The following LAMC3 variants were observed in gnomAD, a reference collection of about 807,000 sequenced individuals.
LAMC3 encodes the protein laminin subunit gamma-3.
LAMC3 carries 128 observed loss-of-function variants against 173.8 expected under a neutral mutation model. The observed-to-expected ratio is 0.74, with a 90% CI of 0.64 to 0.85. The LOEUF is 0.85. LAMC3 is among the 40% of genes least tolerant of loss of function. The pLI is 0.00. For synonymous variants in LAMC3, 897 were observed against 909.1 expected (o/e 0.99, Z 0.24); for missense variants, 2,022 against 2,156.0 (o/e 0.94, Z 1.23).
At chr9:131,062,944 C>A (rs761350081) in intron 13 of LAMC3, among the ~76,000 whole-genome samples, 1 of 151,948 alleles carries the variant, frequency 6.6e-6, no homozygotes, top group Non-Finnish European at 1.5e-5. Flanking sequence ...AGCTGTTCTC[C>A]TCTCTGTCTC....
intron 23 of LAMC3, 118 bp downstream of exon 23, chr9:131,079,416 C>G: frequency 8.0e-7 from 1 of 1,255,714 alleles, no homozygotes; most frequent in East Asian, 2.5e-5. Flanking sequence ...TCTGTCCGGC[C>G]GGGTGTAGTG....
At chr9:131,068,415 A>T (rs1829979966) in intron 15 of LAMC3, among the ~76,000 whole-genome samples, 184 bp downstream of exon 15, 1 of 152,206 alleles carries the variant, frequency 6.6e-6, no homozygotes, top group Non-Finnish European at 1.5e-5. Context: ...TGCTCCTGCC[A>T]GCCCAGGATG....
chr9:131,032,617 T>TCTCTCTCA (rs1833860020), intron 3 of LAMC3, among the ~76,000 whole-genome samples: 3 of 147,154 alleles, frequency 2.0e-5, no homozygotes, highest in Non-Finnish European at 3.0e-5. Flanking sequence ...TCTCTCTCTC[T>TCTCTCTCA]CTCTCTCACT....
intron 2 of LAMC3, among the ~76,000 whole-genome samples, chr9:131,027,778 A>T (rs1833750799): frequency 6.6e-6 from 1 of 152,200 alleles, no homozygotes; most frequent in South Asian, 2.1e-4. Context: ...CACTCGGGAG[A>T]TACGCGCGCA....
chr9:131,090,866 A>C (rs1405072397), intron 27 of LAMC3, among the ~76,000 whole-genome samples: 1 of 42,806 alleles, frequency 2.3e-5, no homozygotes, highest in Non-Finnish European at 4.7e-5. Flanking sequence ...GTCTCTACTA[A>C]AAATACAAAA....
At chr9:131,014,670 G>T (rs1833487964) in intron 1 of LAMC3, among the ~76,000 whole-genome samples, 1 of 152,218 alleles carries the variant, frequency 6.6e-6, no homozygotes, top group African/African-American at 2.4e-5. Flanking sequence ...CGAATGAATG[G>T]AAGAGCAGCT....
rs1156630347 is a variant in LAMC3, at chr9:131,049,075, G to C, written c.1575G>C (p.Trp525Cys). The change falls in exon 9 of 28, where the codon TGG (tryptophan) becomes TGC (cysteine). Residue 525 changes from tryptophan (W) to cysteine (C), a missense_variant. By Grantham distance (215) the Trp-to-Cys change is radical. Coordinates refer to ENST00000361069, the MANE Select transcript of LAMC3 (RefSeq NM_006059.4). ...GGGGCTCTGAGCACCCCCCACAATG[G>C]AGCCCAAATGGGGTCCTCCTGAGCC... ...SVGGSEHPPQ[W>C]SPNGVLLSPE... 5.2e-6 allele frequency: 8 copies of C among 1,552,406 alleles called. No homozygotes were observed. The highest frequency in any genetic ancestry group is 7.0e-6 in the Non-Finnish European group (8 of 1,147,396).
At position 131,067,052 on chromosome 9, in the gene LAMC3, G is replaced by A. The variant is rs529385350; in HGVS notation, c.2440G>A (p.Gly814Arg). 31 of 1,614,068 alleles carry A rather than the reference G, an allele frequency of 1.9e-5. No individual in the cohort carries two copies. Among genetic ancestry groups the A allele is most frequent in the East Asian group, 2.2e-5 (1 of 44,880 alleles). ...GCCCTGCCACCAGTGCCAGTGTAGC[G>A]GGAACGTGGACCCCAATGCCGTGGG... is the stretch of plus-strand genomic sequence containing the variant. ...PQPCHQCQCS[G>R]NVDPNAVGNC... Residue 814 changes from glycine (G) to arginine (R), a missense_variant, in exon 14 of 28, where the codon GGG (glycine) becomes AGG (arginine). Coordinates refer to ENST00000361069, the MANE Select transcript of LAMC3 (RefSeq NM_006059.4).
At chr9:131,017,212 C>A (rs1411696125) in intron 1 of LAMC3, among the ~76,000 whole-genome samples, 1 of 152,158 alleles carries the variant, frequency 6.6e-6, no homozygotes, top group Non-Finnish European at 1.5e-5. Flanking sequence ...CCTTGGTAAA[C>A]ATCTAGCAGC....
At chr9:131,013,608 G>T (rs1412135083) in intron 1 of LAMC3, among the ~76,000 whole-genome samples, 2 of 152,212 alleles carry the variant, frequency 1.3e-5, no homozygotes, top group Non-Finnish European at 2.9e-5. Context: ...ACTGAGCAGT[G>T]CTGAGAACGA....
rs752821098 is a variant in LAMC3 at position 131,079,164 on chromosome 9, G to A, written c.3793G>A (p.Ala1265Thr). The change falls in exon 23 of 28, where the codon GCT becomes ACT. Residue 1265 changes from alanine to threonine, a missense_variant. Ala to Thr is a moderately conservative substitution (Grantham distance 58). Transcript: ENST00000361069. ...CTCCCTGCAGCCTCAGAAGTCCCGG[G>A]CTGAAGACCTGGGCCTGAAGGCGAA... Reference protein sequence around the residue: ...SPGALPQKSRAEDLGLKAKAL... With the variant: ...SPGALPQKSRTEDLGLKAKAL... 2 of 1,613,550 alleles carry A rather than the reference G, an allele frequency of 1.2e-6. No individual in the cohort carries two copies. Among genetic ancestry groups the A allele is most frequent in the Admixed American group, 3.3e-5 (2 of 59,934 alleles).
At chr9:131,030,337 C>T (rs1031123762) in intron 2 of LAMC3, among the ~76,000 whole-genome samples, 3 of 152,208 alleles carry the variant, frequency 2.0e-5, no homozygotes, top group Non-Finnish European at 2.9e-5. Flanking sequence ...ATTTTGACCC[C>T]ATTCCTTTGT....
At chr9:131,041,076 A>AATCTTTCT (rs1228593559) in intron 6 of LAMC3, among the ~76,000 whole-genome samples, 3 of 152,036 alleles carry the variant, frequency 2.0e-5, no homozygotes, top group Non-Finnish European at 4.4e-5. Context: ...AGACAGAAAG[A>AATCTTTCT]TTCATGGAGG....
At chr9:131,086,707 G>A (rs961482313) in intron 25 of LAMC3, among the ~76,000 whole-genome samples, 4 of 151,166 alleles carry the variant, frequency 2.6e-5, no homozygotes, top group Non-Finnish European at 4.4e-5. Flanking sequence ...GGTCAACATG[G>A]TGAAACCCTG....
At chr9:131,017,082 G>C (rs1833534234) in intron 1 of LAMC3, among the ~76,000 whole-genome samples, 1 of 152,208 alleles carries the variant, frequency 6.6e-6, no homozygotes. Context: ...GGGGCGGCCT[G>C]GTGTCTGCGC....
At chr9:131,083,720 A>G (rs1830281184) in intron 24 of LAMC3, among the ~76,000 whole-genome samples, 1 of 152,212 alleles carries the variant, frequency 6.6e-6, no homozygotes, top group Admixed American at 6.5e-5. Context: ...CACACAATAC[A>G]TGCTGAGAAA....
chr9:131,079,738 C>T (rs1225899844), intron 23 of LAMC3, among the ~76,000 whole-genome samples: 2 of 151,986 alleles, frequency 1.3e-5, no homozygotes, highest in African/African-American at 4.8e-5. Flanking sequence ...CCCTCTGGTG[C>T]CTCCTGCAAA....
At position 131,067,710 on chromosome 9, in the gene LAMC3, G is replaced by C. The variant is rs910109673; in HGVS notation, c.2594-368G>C. Reference sequence around the variant, plus strand: ...CTGCAGGAAACACCGCTCTGGCCCAGAGTGAGATGCTCCCCTGGCAGTGGC... The same window carrying C: ...CTGCAGGAAACACCGCTCTGGCCCACAGTGAGATGCTCCCCTGGCAGTGGC... On this transcript the variant is annotated intron_variant, in intron 14 of 27. Coordinates refer to ENST00000361069, the MANE Select transcript of LAMC3 (RefSeq NM_006059.4). 1.1e-4 allele frequency among the ~76,000 whole-genome samples: 16 copies of C among 152,354 alleles called. No individual in the cohort carries two copies. The East Asian group carries it at 2.5e-3, about 24-fold the overall frequency.
intron 27 of LAMC3, among the ~76,000 whole-genome samples, chr9:131,089,801 C>T (rs1016726929): frequency 9.9e-5 from 15 of 151,694 alleles, no homozygotes; most frequent in Admixed American, 3.9e-4. Flanking sequence ...AGAGAATTGC[C>T]ATGCTCTACA....
Sources: gnomAD v4.1 joint callset for allele counts (sites outside exome capture counted in the v4.1 genomes callset) on GRCh38, gnomAD v4.1.1 for gene constraint, MANE v1.5 for transcripts, NCBI Gene and HGNC (gene_info 2026-07-23, HGNC 2026-07-21) for gene names.